The following NPAS2 variants were observed in gnomAD, a reference collection of about 807,000 sequenced individuals.
NPAS2 encodes the protein neuronal PAS domain-containing protein 2.
A neutral mutation model predicts 107.5 loss-of-function variants in NPAS2; 23 were observed. That is an observed-to-expected ratio of 0.21 (90% CI 0.15 to 0.30). NPAS2 has a LOEUF of 0.30. Among genes scored for constraint, NPAS2 ranks in the 10% least tolerant of loss-of-function variants. The pLI is 1.00. For synonymous variants in NPAS2, 403 were observed against 417.5 expected (o/e 0.97, Z 0.42); for missense variants, 756 against 1,043.3 (o/e 0.72, Z 3.79).
intron 1 of NPAS2, among the ~76,000 whole-genome samples, chr2:100,875,291 A>G (rs2104597550): frequency 6.6e-6 from 1 of 152,312 alleles, no homozygotes; most frequent in East Asian, 1.9e-4. Context: ...AAAGCAGGCA[A>G]TGGGGAGTTA....
At chr2:100,944,516 T>C (rs1310492239) in intron 5 of NPAS2, among the ~76,000 whole-genome samples, 1 of 152,134 alleles carries the variant, frequency 6.6e-6, no homozygotes, top group Non-Finnish European at 1.5e-5. Flanking sequence ...TTCCCTCCCT[T>C]GTCTCCATAA....
intron 1 of NPAS2, among the ~76,000 whole-genome samples, chr2:100,837,184 A>G (rs1677121991): frequency 6.6e-6 from 1 of 152,220 alleles, no homozygotes; most frequent in South Asian, 2.1e-4. Flanking sequence ...GGCAGAATAG[A>G]TAATTCATCC....
At chr2:100,819,012 C>T (rs1009359692), upstream of NPAS2, among the ~76,000 whole-genome samples, 1 of 152,186 alleles carries the variant, frequency 6.6e-6, no homozygotes, top group Non-Finnish European at 1.5e-5. The surrounding 1 kb of genome is among the most constrained non-coding windows in gnomAD (Gnocchi z 5.8). Context: ...AGCCCCGGCA[C>T]CCGGGGATTA....
chr2:100,844,006 A>G (rs62156098), intron 1 of NPAS2, among the ~76,000 whole-genome samples: 36,054 of 151,974 alleles, frequency 0.24, 5,808 homozygotes, highest in Non-Finnish European at 0.34. Flanking sequence ...TGAGAAGAGA[A>G]ATGGTGGTGA....
intron 1 of NPAS2, among the ~76,000 whole-genome samples, chr2:100,853,785 C>T (rs1300334226): frequency 6.6e-6 from 1 of 152,018 alleles, no homozygotes; most frequent in Non-Finnish European, 1.5e-5. Context: ...CCTTCTGGCA[C>T]ACATCTGTTG....
chr2:100,893,439 G>A (rs1455004776), intron 1 of NPAS2, among the ~76,000 whole-genome samples: 1 of 152,170 alleles, frequency 6.6e-6, no homozygotes, highest in Non-Finnish European at 1.5e-5. Context: ...TGGTATGGTG[G>A]GGAAGAGTGT....
In NPAS2 at chr2:100,982,370, A is replaced by C. The variant is rs1431031452; in HGVS notation, c.1622A>C (p.Asn541Thr). The C allele has an allele frequency of 1.3e-5, 21 of 1,613,816 alleles. No homozygotes were observed. Among genetic ancestry groups the C allele is most frequent in the Non-Finnish European group, 1.8e-5 (21 of 1,179,998 alleles). The change falls in exon 16 of 21, where the codon AAC (asparagine) becomes ACC (threonine). Residue 541 changes from asparagine to threonine, a missense_variant. This residue lies in a region of NPAS2 where 496 missense variants were observed against 594.4 expected (regional missense o/e 0.83). Transcript: ENST00000335681. ...CAGCTCTGCCTGGTCCAGGACTCCA[A>C]CGTCCAGGTGATCCCCTTCCCGGGC... is the stretch of plus-strand genomic sequence containing the variant. ...QEQLCLVQDS[N>T]VQMFLQQPAV...
chr2:100,873,293 TATATATATATATATACACACACAC>T (rs1257757659), intron 1 of NPAS2, among the ~76,000 whole-genome samples: 1 of 45,746 alleles, frequency 2.2e-5, no homozygotes, highest in African/African-American at 6.4e-5. Context: ...TATATATATA[TATATATATATATATACACACACAC>T]ACACACACAC....
chr2:100,854,164 A>C (rs1227360031), intron 1 of NPAS2, among the ~76,000 whole-genome samples: 2 of 149,862 alleles, frequency 1.3e-5, no homozygotes, highest in African/African-American at 2.4e-5. Context: ...TCAACAAAAA[A>C]AAAAAAAAAA....
intron 2 of NPAS2, among the ~76,000 whole-genome samples, chr2:100,919,192 G>A (rs1242151742): frequency 2.0e-5 from 3 of 152,216 alleles, no homozygotes; most frequent in African/African-American, 7.2e-5. Context: ...AGAGCATAGG[G>A]ATGGAGAACA....
chr2:100,878,697 C>CTCCCTTATAATTGGGTA, intron 1 of NPAS2: 1 of 693,562 alleles, frequency 1.4e-6, no homozygotes, highest in Non-Finnish European at 1.8e-6. Context: ...TTTGTAGATT[C>CTCCCTTATAATTGGGTA]TCACTGATAC....
At chr2:100,940,377 C>T (rs192231860) in intron 5 of NPAS2, among the ~76,000 whole-genome samples, 4 of 152,344 alleles carry the variant, frequency 2.6e-5, no homozygotes, top group Admixed American at 2.6e-4. Context: ...TAGATGCATA[C>T]TTAACTATTA....
chr2:100,838,951 TA>T (rs1330533662), intron 1 of NPAS2, among the ~76,000 whole-genome samples: 1 of 152,178 alleles, frequency 6.6e-6, no homozygotes, highest in Non-Finnish European at 1.5e-5. Context: ...GAATCACTTA[TA>T]TGCAGCTTTA....
chr2:100,917,595 C>T (rs569893532), intron 2 of NPAS2, among the ~76,000 whole-genome samples: 5 of 151,976 alleles, frequency 3.3e-5, no homozygotes, highest in South Asian at 4.2e-4. Context: ...GAAAAAGACA[C>T]GATTTATCAA....
At chr2:100,824,396 A>T (rs1049294395) in intron 1 of NPAS2, among the ~76,000 whole-genome samples, 1 of 152,184 alleles carries the variant, frequency 6.6e-6, no homozygotes, top group Non-Finnish European at 1.5e-5. Context: ...TTTTCTTGGT[A>T]CTTAAGCTGT....
intron 17 of NPAS2, 60 bp downstream of exon 17, chr2:100,988,336 T>C: frequency 6.9e-7 from 1 of 1,450,510 alleles, no homozygotes; most frequent in Non-Finnish European, 9.6e-7. Flanking sequence ...CTCTTGCAGT[T>C]TGGGACATAC....
At chr2:100,995,184 GAGAACT>G in intron 20 of NPAS2, 12 of 477,888 alleles carry the variant, frequency 2.5e-5, no homozygotes, top group Admixed American at 7.5e-5. Context: ...ACTATTGGCG[GAGAACT>G]TAGCTTCAGA....
chr2:100,883,517 G>C (rs1680506593), intron 1 of NPAS2, among the ~76,000 whole-genome samples: 1 of 152,102 alleles, frequency 6.6e-6, no homozygotes, highest in African/African-American at 2.4e-5. Flanking sequence ...GCAGATTTAT[G>C]TGCCCACTGC....
chr2:100,924,917 G>T (rs954764745), intron 2 of NPAS2, among the ~76,000 whole-genome samples: 1 of 152,198 alleles, frequency 6.6e-6, no homozygotes, highest in Non-Finnish European at 1.5e-5. Context: ...TTGCGTCTGA[G>T]TCAGAACTTA....
Sources: allele counts gnomAD v4.1 joint callset (sites outside exome capture counted in the v4.1 genomes callset), GRCh38; gene constraint gnomAD v4.1.1; regional missense constraint gnomAD v4.1.1; non-coding constraint Gnocchi (gnomAD v3.1); transcripts MANE v1.5; gene names NCBI Gene and HGNC (gene_info 2026-07-23, HGNC 2026-07-21).